The following PIEZO2 variants were observed in gnomAD, a reference collection of about 807,000 sequenced individuals.
PIEZO2 encodes the protein piezo type mechanosensitive ion channel component 2, also known as piezo-type mechanosensitive ion channel component 2.
A neutral mutation model predicts 337.3 loss-of-function variants in PIEZO2; 172 were observed. The observed-to-expected ratio is 0.51, with a 90% CI of 0.45 to 0.58. The LOEUF (loss-of-function observed/expected upper bound fraction) is 0.58. PIEZO2 is among the 20% of genes least tolerant of loss of function. The pLI, the probability that PIEZO2 is intolerant of heterozygous loss-of-function variation, is 0.00. For missense variants in PIEZO2, 3,028 were observed against 3,391.3 expected (o/e 0.89, Z 2.66); for synonymous variants, 1,251 against 1,228.5 (o/e 1.02, Z -0.38).
Position 10,952,521 on chromosome 18 carries a change from T to C in PIEZO2, c.286+27014A>G, listed in dbSNP as rs1342415372. Among the ~76,000 whole-genome samples, 1 of 152,244 alleles carries C rather than the reference T, an allele frequency of 6.6e-6. No individual in the cohort carries two copies. Among genetic ancestry groups the C allele is most frequent in the Non-Finnish European group, 1.5e-5 (1 of 68,042 alleles). ...CACTTAACATAATGCTGAATTGAGA[T>C]GCTCTTGCATGTACCCATAGTTTGT... On this transcript the variant is annotated intron_variant, in intron 3 of 55. Transcript: ENST00000674853. This position sits in a 1 kb window ranked among gnomAD's most constrained non-coding sequence, Gnocchi z 4.1.
At position 10,940,679 on chromosome 18, in the gene PIEZO2, T is replaced by A. The variant is rs935280003; in HGVS notation, c.287-29451A>T. On this transcript the variant is annotated intron_variant, in intron 3 of 55. Coordinates refer to ENST00000674853, the MANE Select transcript of PIEZO2 (RefSeq NM_001378183.1). This position sits in a 1 kb window ranked among gnomAD's most constrained non-coding sequence, Gnocchi z 5.3. ...GTGATTGAGACCATCCTAGCCAACA[T>A]GGTGAAACCCTATCTCTACTAAAAA... Among the ~76,000 whole-genome samples, 1 of 152,160 alleles carries A rather than the reference T, an allele frequency of 6.6e-6. No homozygotes were observed. The highest frequency in any genetic ancestry group is 2.4e-5 in the African/African-American group (1 of 41,446).
chr18:10,760,018 C>A (rs1463133283), intron 24 of PIEZO2, 109 bp from the exon 25 acceptor site: 54 of 936,818 alleles, frequency 5.8e-5, no homozygotes, highest in Non-Finnish European at 9.7e-6. Context: ...TCCCTCAGGG[C>A]AAGTCTGTCT....
At chr18:10,994,907 C>A (rs1568276535) in intron 2 of PIEZO2, among the ~76,000 whole-genome samples, 1 of 151,516 alleles carries the variant, frequency 6.6e-6, no homozygotes, top group Non-Finnish European at 1.5e-5. Context: ...CAAGGTGAAA[C>A]CCTGTCTCTA....
Position 11,028,989 on chromosome 18 carries a change from A to C in PIEZO2, c.160+37138T>G, listed in dbSNP as rs1033029864. ...AACACCAGTTTTAAGCTGCACCGTC[A>C]GTTATTTAAATAGAAATTGAGGGGA... On this transcript the variant is annotated intron_variant, in intron 2 of 55. Transcript: ENST00000674853. This position sits in a 1 kb window ranked among gnomAD's most constrained non-coding sequence, Gnocchi z 4.8. Among the ~76,000 whole-genome samples the C allele has an allele frequency of 6.6e-6, 1 of 152,218 alleles. No homozygotes were observed. Among genetic ancestry groups the C allele is most frequent in the African/African-American group, 2.4e-5 (1 of 41,450 alleles).
At chr18:10,806,366 GA>G (rs1384462113) in intron 8 of PIEZO2, among the ~76,000 whole-genome samples, 19 of 152,308 alleles carry the variant, frequency 1.2e-4, no homozygotes, top group African/African-American at 4.6e-4. Flanking sequence ...TTAGGGGAAA[GA>G]AAAGCAGGCT....
At position 10,722,586 on chromosome 18, in the gene PIEZO2, C is replaced by A. The variant is rs1489571243; in HGVS notation, c.5030-4327G>T. On this transcript the variant is annotated intron_variant, in intron 36 of 55. Coordinates refer to ENST00000674853, the MANE Select transcript of PIEZO2 (RefSeq NM_001378183.1). ...GGAAACTGCAAGGGGAAATTTAGAC[C>A]CATTTGACACAAGAAAAAAAATAAA... Among the ~76,000 whole-genome samples, 5 of 151,902 alleles carry A rather than the reference C, an allele frequency of 3.3e-5. No homozygotes were observed. In the East Asian group the frequency reaches 9.7e-4, roughly 29 times the overall value.
chr18:10,851,155 CTTTTTT>C (rs10592305), intron 7 of PIEZO2, among the ~76,000 whole-genome samples: 1 of 127,936 alleles, frequency 7.8e-6, no homozygotes, highest in Non-Finnish European at 1.6e-5. Context: ...TTTCTTTTAT[CTTTTTT>C]TTTTTTTTTT....
At chr18:10,931,711 T>TGA (rs1350965449) in intron 3 of PIEZO2, among the ~76,000 whole-genome samples, 3 of 91,018 alleles carry the variant, frequency 3.3e-5, no homozygotes, top group Admixed American at 1.2e-4. Flanking sequence ...TGTGTGTGTG[T>TGA]GTGAGAGAGA....
intron 3 of PIEZO2, among the ~76,000 whole-genome samples, chr18:10,924,538 T>C (rs1463821939): frequency 2.0e-5 from 3 of 152,180 alleles, no homozygotes; most frequent in Non-Finnish European, 2.9e-5. Flanking sequence ...GGTCCTATGT[T>C]GCGGCCCCAC....
At chr18:11,010,947 A>G (rs1247401513) in intron 2 of PIEZO2, among the ~76,000 whole-genome samples, 1 of 152,254 alleles carries the variant, frequency 6.6e-6, no homozygotes, top group Non-Finnish European at 1.5e-5. Context: ...ATGTTAGATT[A>G]GTTTTTCAAT....
At chr18:10,916,177 C>A (rs1161120912) in intron 3 of PIEZO2, among the ~76,000 whole-genome samples, 1 of 152,188 alleles carries the variant, frequency 6.6e-6, no homozygotes, top group Admixed American at 6.5e-5. Flanking sequence ...AGTCCTCCAG[C>A]TAGACACAAA....
intron 3 of PIEZO2, among the ~76,000 whole-genome samples, chr18:10,913,164 C>T (rs944107348): frequency 6.6e-6 from 1 of 152,110 alleles, no homozygotes. Context: ...TTTATGGGAA[C>T]AGTGTGATAT....
Position 10,833,120 on chromosome 18 carries a change from G to C in PIEZO2, c.917+22233C>G, listed in dbSNP as rs1416848066. 1.3e-5 allele frequency among the ~76,000 whole-genome samples: 2 copies of C among 152,184 alleles called. No homozygotes were observed. Among genetic ancestry groups the C allele is most frequent in the East Asian group, 3.9e-4 (2 of 5,180 alleles). On this transcript the variant is annotated intron_variant, in intron 7 of 55. Coordinates refer to ENST00000674853, the MANE Select transcript of PIEZO2 (RefSeq NM_001378183.1). The surrounding 1 kb of genome is among the most constrained non-coding windows in gnomAD (Gnocchi z 4.7). ...AGAAATCTCAGCCCCAGAAGAGCAA[G>C]TGTGGCTTTTCCTGGCAGAGAGGCA...
At chr18:11,054,738 G>T (rs2037654882) in intron 2 of PIEZO2, among the ~76,000 whole-genome samples, 1 of 152,216 alleles carries the variant, frequency 6.6e-6, no homozygotes, top group Non-Finnish European at 1.5e-5. Context: ...CCCCCACCCT[G>T]TGGAGATATG....
At chr18:11,012,502 T>C (rs1336947666) in intron 2 of PIEZO2, among the ~76,000 whole-genome samples, 1 of 152,252 alleles carries the variant, frequency 6.6e-6, no homozygotes, top group Admixed American at 6.5e-5. Context: ...TACATAGATG[T>C]AAACACCTCT....
At chr18:11,011,423 G>A (rs2035897131) in intron 2 of PIEZO2, among the ~76,000 whole-genome samples, 1 of 152,092 alleles carries the variant, frequency 6.6e-6, no homozygotes, top group African/African-American at 2.4e-5. Context: ...AAGCCAAAAT[G>A]CATGTTAATC....
chr18:10,907,176 T>C (rs563674730), intron 4 of PIEZO2, among the ~76,000 whole-genome samples: 23 of 152,142 alleles, frequency 1.5e-4, no homozygotes, highest in Non-Finnish European at 1.2e-4. Context: ...AGCATGGTGG[T>C]TCACGCCTGT....
intron 2 of PIEZO2, among the ~76,000 whole-genome samples, chr18:11,057,642 T>C (rs1467067345): frequency 1.3e-5 from 2 of 152,182 alleles, no homozygotes; most frequent in Non-Finnish European, 2.9e-5. Flanking sequence ...CCTGGTACCA[T>C]TAATATCTAA....
At chr18:10,684,240 A>G (rs1179798860) in intron 49 of PIEZO2, among the ~76,000 whole-genome samples, 1 of 126,988 alleles carries the variant, frequency 7.9e-6, no homozygotes, top group Non-Finnish European at 1.5e-5. Context: ...ATCTTGGCTC[A>G]CTGCAAGCTC....
Sources: allele counts gnomAD v4.1 joint callset (sites outside exome capture counted in the v4.1 genomes callset), GRCh38; gene constraint gnomAD v4.1.1; non-coding constraint Gnocchi (gnomAD v3.1); transcripts MANE v1.5; gene names NCBI Gene and HGNC (gene_info 2026-07-23, HGNC 2026-07-21).